The following LINGO2 variants were observed in gnomAD, a reference collection of about 807,000 sequenced individuals.
LINGO2 encodes the protein leucine-rich repeat and immunoglobulin-like domain-containing nogo receptor-interacting protein 2.
In LINGO2, 14 loss-of-function variants were observed where a neutral mutation model predicts 30.6. The observed-to-expected ratio is 0.46, with a 90% CI of 0.30 to 0.72. LINGO2 has a LOEUF of 0.72. Among genes scored for constraint, LINGO2 ranks in the 30% least tolerant of loss-of-function variants. LINGO2 has a pLI of 0.07. For synonymous variants in LINGO2, 317 were observed against 288.5 expected (o/e 1.10, Z -1.00); for missense variants, 729 against 751.7 (o/e 0.97, Z 0.35).
At chr9:28,277,837 C>CAAAAAAAAAAA (rs765748438) in intron 4 of LINGO2, among the ~76,000 whole-genome samples, 1 of 108,026 alleles carries the variant, frequency 9.3e-6, no homozygotes, top group Non-Finnish European at 2.0e-5. Flanking sequence ...CAAAACAAAA[C>CAAAAAAAAAAA]AAAAAAAAAA....
the LINGO2 span, among the ~76,000 whole-genome samples, chr9:28,711,653 G>C: frequency 6.6e-6 from 1 of 152,110 alleles, no homozygotes; most frequent in Non-Finnish European, 1.5e-5. Flanking sequence ...AGTTAGTAGA[G>C]CAGTTAAGGG....
chr9:28,224,323 C>T (rs995718549), intron 4 of LINGO2, among the ~76,000 whole-genome samples: 3 of 152,182 alleles, frequency 2.0e-5, no homozygotes, highest in African/African-American at 7.2e-5. Flanking sequence ...CTCGGCCTCC[C>T]AAAGTGCCGG....
the LINGO2 span, among the ~76,000 whole-genome samples, chr9:29,099,764 C>T: frequency 1.3e-5 from 2 of 152,062 alleles, no homozygotes; most frequent in Admixed American, 1.3e-4. Flanking sequence ...GAAAAGGCAA[C>T]ATCATAAATT....
At chr9:28,558,644 T>C (rs577899396) in intron 1 of LINGO2, among the ~76,000 whole-genome samples, 11 of 152,196 alleles carry the variant, frequency 7.2e-5, no homozygotes, top group African/African-American at 2.6e-4. Context: ...CAAAAGTCCC[T>C]GGTGGGACAA....
rs950551878 is a variant in LINGO2, at chr9:28,632,879, T to G, written c.-365+37321A>C. 9.7e-4 allele frequency among the ~76,000 whole-genome samples: 78 copies of G among 80,822 alleles called. 2 individuals carry two copies. Among genetic ancestry groups the G allele is most frequent in the African/African-American group, 3.4e-3 (65 of 18,938 alleles). The allele number at this position is 80,822 out of a possible 152,430, so 53.0% of individuals were successfully genotyped here. A position where few individuals can be genotyped will look rare whatever the true frequency, so the allele number is the denominator to read the frequency against. On this transcript the variant is annotated intron_variant, in intron 1 of 5. Transcript: ENST00000379992. ...TTTTATATATATATATATATATATA[T>G]GTAGAGAGAGAGAGAGAGAGAGAGA...
the LINGO2 span, among the ~76,000 whole-genome samples, chr9:28,990,994 A>C: frequency 6.6e-6 from 1 of 152,224 alleles, no homozygotes; most frequent in Non-Finnish European, 1.5e-5. Flanking sequence ...CCTCACTAGC[A>C]ATGGAACAAA....
At chr9:27,999,531 T>A (rs148136659) in intron 5 of LINGO2, among the ~76,000 whole-genome samples, 115 of 152,058 alleles carry the variant, frequency 7.6e-4, no homozygotes, top group African/African-American at 2.5e-3. Flanking sequence ...ATAGACCTTA[T>A]ATATAAAGGA....
At position 28,148,305 on chromosome 9, in the gene LINGO2, T is replaced by C; in HGVS notation, c.-86-135900A>G. Reference sequence around the variant, plus strand: ...CCCGCCTCAAGGAAGAAACCCATGCTGTCTGCTCACAACTCCAGGATGTTT... The same window carrying C: ...CCCGCCTCAAGGAAGAAACCCATGCCGTCTGCTCACAACTCCAGGATGTTT... On this transcript the variant is annotated intron_variant, in intron 4 of 5. Coordinates refer to ENST00000379992, the Ensembl canonical transcript of LINGO2. This position sits in a 1 kb window ranked among gnomAD's most constrained non-coding sequence, Gnocchi z 5.1. 1.2e-6 allele frequency: 1 copy of C among 826,756 alleles called. No individual in the cohort carries two copies. The highest frequency in any genetic ancestry group is 2.0e-5 in the Admixed American group (1 of 49,400). 51.2% of individuals were successfully genotyped at this position (826,756 alleles called of 1,614,324 possible). A position where few individuals can be genotyped will look rare whatever the true frequency, so the allele number is the denominator to read the frequency against.
intron 2 of LINGO2, among the ~76,000 whole-genome samples, chr9:28,438,847 T>A (rs966072908): frequency 2.1e-4 from 30 of 145,618 alleles, no homozygotes; most frequent in Admixed American, 5.5e-4. Context: ...TATATATATA[T>A]ATAATGAGAT....
rs370058574 is a variant in LINGO2 at position 27,975,310 on chromosome 9, A to AC, written c.-35-24605dup. ...AGTATCTTTCTTTTTAAAAGTCCCTACTATGTAGAATTTGGTTTAGGATTG... is the reference window on the plus strand; with the variant it reads ...AGTATCTTTCTTTTTAAAAGTCCCTACCTATGTAGAATTTGGTTTAGGATTG... On this transcript the variant is annotated intron_variant, in intron 5 of 5. Coordinates refer to ENST00000379992, the Ensembl canonical transcript of LINGO2. 5.8e-3 allele frequency among the ~76,000 whole-genome samples: 877 copies of AC among 152,110 alleles called. 12 individuals carry two copies. The highest frequency in any genetic ancestry group is 0.02 in the African/African-American group (810 of 41,520).
At chr9:28,775,866 G>A in the LINGO2 span, among the ~76,000 whole-genome samples, 1 of 152,166 alleles carries the variant, frequency 6.6e-6, no homozygotes, top group Non-Finnish European at 1.5e-5. Flanking sequence ...TATGCCTTGA[G>A]ACCCTAGTGG....
At chr9:27,957,266 G>C (rs888786120) in intron 5 of LINGO2, among the ~76,000 whole-genome samples, 2 of 151,930 alleles carry the variant, frequency 1.3e-5, no homozygotes, top group African/African-American at 2.4e-5. Flanking sequence ...TATTATACCA[G>C]TACGGCTGTC....
chr9:28,038,412 G>A (rs1010478336), intron 4 of LINGO2, among the ~76,000 whole-genome samples: 2 of 152,066 alleles, frequency 1.3e-5, no homozygotes, highest in African/African-American at 4.8e-5. Context: ...CCTTGCTTAT[G>A]GCTGGGCGCG....
chr9:28,385,984 G>A (rs1821563954), intron 2 of LINGO2, among the ~76,000 whole-genome samples: 1 of 152,144 alleles, frequency 6.6e-6, no homozygotes, highest in Non-Finnish European at 1.5e-5. Flanking sequence ...ACTCAGACAT[G>A]ATAGCAGCAG....
chr9:28,006,610 A>T (rs990337234), intron 5 of LINGO2, among the ~76,000 whole-genome samples: 5 of 152,154 alleles, frequency 3.3e-5, no homozygotes, highest in African/African-American at 1.2e-4. Flanking sequence ...CTCAATGATG[A>T]TGCATATTAA....
intron 2 of LINGO2, among the ~76,000 whole-genome samples, chr9:28,383,742 G>T (rs1587585767): frequency 6.6e-6 from 1 of 152,030 alleles, no homozygotes. Flanking sequence ...GATATTCCCA[G>T]GGGTGCTTAG....
At chr9:28,848,016 T>G in the LINGO2 span, among the ~76,000 whole-genome samples, 66 of 92,090 alleles carry the variant, frequency 7.2e-4, 2 homozygotes, top group African/African-American at 3.6e-3. Flanking sequence ...CATACATATA[T>G]ACACACATAT....
chr9:28,176,152 T>A (rs1828744534), intron 4 of LINGO2, among the ~76,000 whole-genome samples: 1 of 152,210 alleles, frequency 6.6e-6, no homozygotes. Context: ...TAAGCTCTAC[T>A]ATTTCTTCAG....
intron 1 of LINGO2, among the ~76,000 whole-genome samples, chr9:28,579,847 C>G (rs1436095950): frequency 6.6e-6 from 1 of 152,022 alleles, no homozygotes; most frequent in African/African-American, 2.4e-5. Context: ...GAACAACAGT[C>G]AAGAATCACC....
Sources: allele counts gnomAD v4.1 joint callset (sites outside exome capture counted in the v4.1 genomes callset), GRCh38; gene constraint gnomAD v4.1.1; non-coding constraint Gnocchi (gnomAD v3.1); transcripts MANE v1.5; gene names NCBI Gene and HGNC (gene_info 2026-07-23, HGNC 2026-07-21).